Variants in CTNNA2 observed in about 807,000 individuals in gnomAD.
CTNNA2 encodes catenin alpha 2, also known as catenin alpha-2.
In CTNNA2, 42 loss-of-function variants were observed where a neutral mutation model predicts 101.0. That is an observed-to-expected ratio of 0.42 (90% confidence interval 0.32 to 0.54). The LOEUF is 0.54. Among genes scored for constraint, CTNNA2 ranks in the 20% least tolerant of loss-of-function variants. The pLI, the probability that CTNNA2 is intolerant of heterozygous loss-of-function variation, is 0.14. For synonymous variants in CTNNA2, 450 were observed against 456.4 expected (o/e 0.99, Z 0.18); for missense variants, 871 against 1,223.1 (o/e 0.71, Z 4.29).
chr2:79,647,509 GT>G (rs529441643), intron 1 of CTNNA2, among the ~76,000 whole-genome samples: 1 of 149,958 alleles, frequency 6.7e-6, no homozygotes, highest in Non-Finnish European at 1.5e-5. Context: ...AAGGCTTCAA[GT>G]TTTTTTTTTC....
chr2:79,626,037 G>A (rs1446111785), intron 1 of CTNNA2, among the ~76,000 whole-genome samples: 3 of 152,154 alleles, frequency 2.0e-5, no homozygotes, highest in Non-Finnish European at 4.4e-5. Context: ...TGTGTGTTAG[G>A]AGGGACGTTT....
intron 3 of CTNNA2, among the ~76,000 whole-genome samples, chr2:79,323,471 T>TA (rs57930718): frequency 0.14 from 21,978 of 152,072 alleles, 1,668 homozygotes; most frequent in East Asian, 0.17. Flanking sequence ...ATAAGGTGCA[T>TA]AGCTAGGTGC....
chr2:79,811,549 T>A (rs1023574209), intron 3 of CTNNA2, among the ~76,000 whole-genome samples: 1 of 152,166 alleles, frequency 6.6e-6, no homozygotes, highest in Non-Finnish European at 1.5e-5. Context: ...CATGTAAGGA[T>A]CTATTTTTAG....
intron 4 of CTNNA2, among the ~76,000 whole-genome samples, chr2:79,444,335 A>G (rs1482097180): frequency 2.0e-5 from 3 of 152,156 alleles, no homozygotes; most frequent in African/African-American, 7.2e-5. Context: ...CAAATATTCT[A>G]TAGGAAAATT....
chr2:79,400,072 A>G (rs751892720), intron 4 of CTNNA2, among the ~76,000 whole-genome samples: 13 of 152,026 alleles, frequency 8.6e-5, no homozygotes, highest in Admixed American at 3.3e-4. Context: ...TAAGATGTAC[A>G]TTGGTTTGGT....
chr2:79,898,690 A>G (rs1684876231), intron 6 of CTNNA2, among the ~76,000 whole-genome samples: 2 of 152,108 alleles, frequency 1.3e-5, no homozygotes, highest in South Asian at 2.1e-4. Context: ...TTTCCTCCTT[A>G]TAAGTGAGAG....
intron 8 of CTNNA2, among the ~76,000 whole-genome samples, chr2:80,399,214 C>T (rs1288477725): frequency 6.6e-6 from 1 of 151,936 alleles, no homozygotes; most frequent in African/African-American, 2.4e-5. Flanking sequence ...CTACCTCTAC[C>T]TTAGGAAAAT....
At chr2:79,991,161 C>T (rs1054375076) in intron 7 of CTNNA2, among the ~76,000 whole-genome samples, 2 of 152,046 alleles carry the variant, frequency 1.3e-5, no homozygotes, top group African/African-American at 2.4e-5. Flanking sequence ...TGATTCTTCT[C>T]TCTTTTCTTC....
At chr2:80,501,778 T>A (rs149497182) in intron 9 of CTNNA2, among the ~76,000 whole-genome samples, 1 of 152,120 alleles carries the variant, frequency 6.6e-6, no homozygotes, top group African/African-American at 2.4e-5. Flanking sequence ...CAAAAGGTGC[T>A]CTGGAGCATA....
chr2:80,513,066 C>T (rs1283014851), intron 9 of CTNNA2, among the ~76,000 whole-genome samples: 1 of 152,192 alleles, frequency 6.6e-6, no homozygotes, highest in Non-Finnish European at 1.5e-5. Flanking sequence ...AGTATACCCA[C>T]AAGTGCTCCT....
intron 9 of CTNNA2, among the ~76,000 whole-genome samples, chr2:80,428,023 T>C (rs1055472470): frequency 1.5e-4 from 23 of 152,184 alleles, no homozygotes; most frequent in African/African-American, 5.5e-4. Flanking sequence ...GAGGAGGGCA[T>C]GTGAGGTCGG....
intron 12 of CTNNA2, among the ~76,000 whole-genome samples, chr2:80,571,486 T>C (rs1694590377): frequency 6.6e-6 from 1 of 152,170 alleles, no homozygotes. Context: ...ATAAAACAAA[T>C]GTCTCTCCTT....
intron 2 of CTNNA2, among the ~76,000 whole-genome samples, chr2:79,263,929 G>C (rs191241200): frequency 6.6e-5 from 10 of 152,230 alleles, no homozygotes; most frequent in Admixed American, 5.9e-4. Context: ...GCATATAAGG[G>C]ATCTATACTT....
At position 80,027,595 on chromosome 2, in the gene CTNNA2, C is replaced by CA. The variant is rs772631468; in HGVS notation, c.1056+117799dup. Among the ~76,000 whole-genome samples, 5 of 152,238 alleles carry CA rather than the reference C, an allele frequency of 3.3e-5. No homozygotes were observed. The East Asian group carries it at 9.7e-4, about 29-fold the overall frequency. On this transcript the variant is annotated intron_variant, in intron 7 of 18. Transcript: ENST00000402739. ...GAGGTTGAGGCTTATGCTTGGTTAG[C>CA]ACTGGAAGTGAAGAAGTAGGAGCAG...
chr2:79,644,783 C>T (rs1382618359), intron 1 of CTNNA2, among the ~76,000 whole-genome samples: 2 of 152,178 alleles, frequency 1.3e-5, no homozygotes, highest in Non-Finnish European at 2.9e-5. Context: ...ATATCTCTCT[C>T]TTGCCTGTTC....
chr2:79,649,755 A>G (rs1296162790), intron 1 of CTNNA2, among the ~76,000 whole-genome samples: 2 of 152,182 alleles, frequency 1.3e-5, no homozygotes, highest in African/African-American at 4.8e-5. Context: ...TTGGATTGCT[A>G]TGCTTAGTTT....
At chr2:80,519,342 G>A (rs1222569779) in intron 9 of CTNNA2, among the ~76,000 whole-genome samples, 5 of 152,092 alleles carry the variant, frequency 3.3e-5, no homozygotes, top group South Asian at 2.1e-4. Context: ...AATCCAGACC[G>A]AAAAAGTGAC....
intron 7 of CTNNA2, among the ~76,000 whole-genome samples, chr2:79,949,449 T>A (rs1431051587): frequency 6.6e-6 from 1 of 152,150 alleles, no homozygotes; most frequent in Non-Finnish European, 1.5e-5. Flanking sequence ...TTTGTTCAGA[T>A]TTCAAGAAAA....
At chr2:80,405,852 A>T (rs1360503709) in intron 8 of CTNNA2, among the ~76,000 whole-genome samples, 2 of 152,206 alleles carry the variant, frequency 1.3e-5, no homozygotes, top group Non-Finnish European at 2.9e-5. Context: ...CATAAATGTC[A>T]GAAGTTTGGG....
Sources: allele counts gnomAD v4.1 joint callset (sites outside exome capture counted in the v4.1 genomes callset), GRCh38; gene constraint gnomAD v4.1.1; transcripts MANE v1.5; gene names NCBI Gene and HGNC (gene_info 2026-07-23, HGNC 2026-07-21).